Variants in NOTCH2 observed in about 807,000 individuals in gnomAD.
NOTCH2 encodes notch receptor 2.
In NOTCH2, 29 loss-of-function variants were observed where a neutral mutation model predicts 235.8. That is an observed-to-expected ratio of 0.12 (90% CI 0.09 to 0.17). NOTCH2 has a LOEUF of 0.17. Among genes scored for constraint, NOTCH2 ranks in the 10% least tolerant of loss-of-function variants. The probability of loss-of-function intolerance (pLI) is 1.00; values close to 1 mark genes in which losing one functional copy is unlikely to be tolerated. For missense variants in NOTCH2, 2,285 were observed against 3,150.2 expected, an observed-to-expected ratio of 0.73 and a Z score of 6.57; for synonymous variants, 1,086 against 1,141.5, an observed-to-expected ratio of 0.95 and a Z score of 0.98.
chr1:119,932,180 T>C (rs1210406109), intron 22 of NOTCH2, among the ~76,000 whole-genome samples: 10 of 152,106 alleles, frequency 6.6e-5, no homozygotes, highest in African/African-American at 2.4e-4. Flanking sequence ...TTTCTGAAAA[T>C]TTATTTCACC....
Position 119,965,486 on chromosome 1 carries a change from G to A in NOTCH2, c.1648C>T (p.His550Tyr). 2 of 1,613,934 alleles carry A rather than the reference G, an allele frequency of 1.2e-6. No homozygotes were observed. Among genetic ancestry groups the A allele is most frequent in the Non-Finnish European group, 1.7e-6 (2 of 1,179,822 alleles). The stretch of plus-strand genomic sequence containing the variant: ...CACTGGCATTCATAGCCATTCGGGT[G>A]ATCGATACACTTTGCCCCATTCAGA... ...PCLNGAKCID[H>Y]PNGYECQCAT... Residue 550 changes from histidine to tyrosine, a missense_variant, in exon 10 of 34, where the codon CAC (histidine) becomes TAC (tyrosine). By Grantham distance (83) the His-to-Tyr change is moderately conservative. Around this residue, in one of 6 missense-constraint regions of NOTCH2, gnomAD observed 431 missense variants for 757.8 expected, o/e 0.57. Transcript: ENST00000256646.
chr1:119,980,238 C>T (rs1408492675), intron 5 of NOTCH2, among the ~76,000 whole-genome samples: 1 of 152,218 alleles, frequency 6.6e-6, no homozygotes, highest in African/African-American at 2.4e-5. Context: ...TACTTCCACT[C>T]TCTGACTATA....
Position 119,965,434 on chromosome 1 carries a change from A to C in NOTCH2, c.1681+19T>G, listed in dbSNP as rs1553199545. ...TCAGATGGACCTACCAAGGAGATGA[A>C]AAGTGAGAAGAATCTTACCTGTGGC... On this transcript the variant is annotated intron_variant, in intron 10 of 33. Coordinates refer to ENST00000256646, the MANE Select transcript of NOTCH2 (RefSeq NM_024408.4). The C allele has an allele frequency of 1.3e-6, 2 of 1,583,818 alleles. No individual in the cohort carries two copies. The highest frequency in any genetic ancestry group is 2.2e-5 in the South Asian group (2 of 90,492).
At chr1:119,937,699 C>A (rs948562901) in intron 20 of NOTCH2, among the ~76,000 whole-genome samples, 158 bp downstream of exon 20, 4 of 152,180 alleles carry the variant, frequency 2.6e-5, no homozygotes, top group Non-Finnish European at 5.9e-5. Flanking sequence ...ATTCCTCTAC[C>A]CTTACACCTT....
At chr1:119,935,130 T>G in intron 22 of NOTCH2, 2 of 1,214,880 alleles carry the variant, frequency 1.6e-6, no homozygotes, top group Non-Finnish European at 2.1e-6. Flanking sequence ...AAATTGTTTA[T>G]TTTAGAGGCC....
chr1:120,069,570 C>A lies in NOTCH2; in HGVS notation c.-164G>T. 2.1e-6 allele frequency: 3 copies of A among 1,410,004 alleles called. No individual in the cohort carries two copies. Among genetic ancestry groups the A allele is most frequent in the Non-Finnish European group, 2.7e-6 (3 of 1,091,506 alleles). The allele number at this position is 1,410,004 out of a possible 1,614,324, so 87.3% of individuals were successfully genotyped here. On this transcript the variant is annotated 5_prime_UTR_variant, in exon 1 of 34. Coordinates refer to ENST00000256646, the MANE Select transcript of NOTCH2 (RefSeq NM_024408.4). Reference sequence around the variant, plus strand: ...AAGCCCAGGCGCAAATGCCTCGACTCCCCGCGCCCCGAGTCCGCCGCTCCT... The same window carrying A: ...AAGCCCAGGCGCAAATGCCTCGACTACCCGCGCCCCGAGTCCGCCGCTCCT...
chr1:119,924,081 A>G, intron 25 of NOTCH2, 97 bp from the exon 26 acceptor site: 1 of 1,086,166 alleles, frequency 9.2e-7, no homozygotes, highest in Non-Finnish European at 1.4e-6. Flanking sequence ...TTTCCTACCC[A>G]TTTTCTGTGG....
Position 119,937,268 on chromosome 1 carries a change from C to T in NOTCH2, c.3522+14G>A, listed in dbSNP as rs1553195832. On this transcript the variant is annotated intron_variant, in intron 21 of 33. Transcript: ENST00000256646. ...CTGGGAGGTCCATGACCTCTGCTTG[C>T]TCAGTGTCCTCACCTCGCATCTGTA... 7.4e-6 allele frequency: 12 copies of T among 1,612,594 alleles called. No individual in the cohort carries two copies. Among genetic ancestry groups the T allele is most frequent in the Non-Finnish European group, 1.0e-5 (12 of 1,179,806 alleles).
chr1:120,027,384 T>C (rs1570760394), intron 2 of NOTCH2, among the ~76,000 whole-genome samples: 1 of 147,254 alleles, frequency 6.8e-6, no homozygotes, highest in East Asian at 2.0e-4. Context: ...AGTCACCAAG[T>C]TGAATGATCT....
At chr1:119,977,108 C>A (rs1185178943) in intron 5 of NOTCH2, among the ~76,000 whole-genome samples, 1 of 152,100 alleles carries the variant, frequency 6.6e-6, no homozygotes, top group Admixed American at 6.6e-5. Context: ...TACCTCATCA[C>A]TGAATCCCCA....
chr1:119,929,509 A>C (rs1553194855), intron 22 of NOTCH2, among the ~76,000 whole-genome samples: 1 of 152,256 alleles, frequency 6.6e-6, no homozygotes, highest in Non-Finnish European at 1.5e-5. Context: ...CTCAAAGAGA[A>C]GGAAACTGGA....
chr1:119,971,954 G>A (rs587701494), intron 5 of NOTCH2, among the ~76,000 whole-genome samples: 6 of 152,052 alleles, frequency 3.9e-5, no homozygotes, highest in Admixed American at 3.9e-4. Flanking sequence ...GGAGTGAATG[G>A]GGGAGGTAAT....
chr1:120,014,402 A>G (rs1306489159), intron 2 of NOTCH2, among the ~76,000 whole-genome samples: 6 of 152,188 alleles, frequency 3.9e-5, no homozygotes, highest in African/African-American at 4.8e-5. Context: ...TGAGAACCCC[A>G]TCTCAAAAAA....
At chr1:119,943,048 T>C (rs1650119748) in intron 17 of NOTCH2, among the ~76,000 whole-genome samples, 1 of 152,116 alleles carries the variant, frequency 6.6e-6, no homozygotes, top group Non-Finnish European at 1.5e-5. Context: ...AATTTTTGTA[T>C]TTTTAGTACA....
At chr1:119,988,464 T>G (rs1421900417) in intron 4 of NOTCH2, among the ~76,000 whole-genome samples, 1 of 152,126 alleles carries the variant, frequency 6.6e-6, no homozygotes, top group Non-Finnish European at 1.5e-5. Flanking sequence ...CTATGAAAAT[T>G]TACTCAAATT....
chr1:119,987,548 G>T (rs1040501500), intron 4 of NOTCH2, among the ~76,000 whole-genome samples: 1 of 152,080 alleles, frequency 6.6e-6, no homozygotes, highest in East Asian at 1.9e-4. Context: ...GGAAGGGAGT[G>T]GGGGAGGATA....
intron 1 of NOTCH2, among the ~76,000 whole-genome samples, chr1:120,039,052 A>G (rs1454675847): frequency 1.3e-5 from 2 of 150,708 alleles, no homozygotes; most frequent in African/African-American, 4.9e-5. Flanking sequence ...TATCTTCCCC[A>G]TGAGTAGGTT....
chr1:120,010,880 T>C (rs1455999718), intron 2 of NOTCH2, among the ~76,000 whole-genome samples: 9 of 152,046 alleles, frequency 5.9e-5, no homozygotes, highest in African/African-American at 1.9e-4. Flanking sequence ...CAAATGCCTA[T>C]AAGCTGATGA....
chr1:120,025,132 T>A (rs1281533730), intron 2 of NOTCH2, among the ~76,000 whole-genome samples: 1 of 151,532 alleles, frequency 6.6e-6, no homozygotes, highest in Non-Finnish European at 1.5e-5. Context: ...GCAGCTAGAA[T>A]ATGAGGAGAA....
Sources: allele counts gnomAD v4.1 joint callset (sites outside exome capture counted in the v4.1 genomes callset), GRCh38; gene constraint gnomAD v4.1.1; regional missense constraint gnomAD v4.1.1; transcripts MANE v1.5; gene names NCBI Gene and HGNC (gene_info 2026-07-23, HGNC 2026-07-21).